SMC1A: variants seen among roughly 807,000 people sequenced by gnomAD.
SMC1A encodes the protein structural maintenance of chromosomes 1A.
In SMC1A, 4 loss-of-function variants were observed where a neutral mutation model predicts 94.5. That is an observed-to-expected ratio of 0.04 (90% CI 0.02 to 0.10). The LOEUF (loss-of-function observed/expected upper bound fraction) is 0.10. Among genes scored for constraint, SMC1A ranks in the 10% least tolerant of loss-of-function variants. The probability of loss-of-function intolerance (pLI) is 1.00; values close to 1 mark genes in which losing one functional copy is unlikely to be tolerated. For synonymous variants in SMC1A, 345 were observed against 347.7 expected, an observed-to-expected ratio of 0.99 and a Z score of 0.09; for missense variants, 304 against 989.0, an observed-to-expected ratio of 0.31 and a Z score of 9.29.
Position 53,380,081 on chromosome X carries a change from G to A in SMC1A, c.*22C>T. ...GAGGGACAGCTTAGGGATCCAGACA[G>A]GGCGGGAGGGCAAAAATACTGCTAC... On this transcript the variant is annotated 3_prime_UTR_variant, in exon 25 of 25. Transcript: ENST00000322213. 2.2e-5 allele frequency: 25 copies of A among 1,115,365 alleles called. No homozygotes were observed. Among genetic ancestry groups the A allele is most frequent in the Non-Finnish European group, 3.1e-5 (25 of 809,020 alleles). 91.9% of individuals were successfully genotyped at this position (1,115,365 alleles called of 1,213,427 possible).
At chrX:53,391,084 C>T (rs2075627698) in intron 19 of SMC1A, among the ~76,000 whole-genome samples, 1 of 104,975 alleles carries the variant, frequency 9.5e-6, no homozygotes, top group Non-Finnish European at 1.9e-5. Flanking sequence ...GAGGCCAAGG[C>T]AGGGGGATCA....
chrX:53,378,134 T>C lies in SMC1A; in HGVS notation c.*1969A>G, dbSNP rs1199458329. 9.0e-6 allele frequency: 1 copy of C among 111,591 alleles called. No individual in the cohort carries two copies. Among genetic ancestry groups the C allele is most frequent in the African/African-American group, 3.3e-5 (1 of 30,635 alleles). The allele number at this position is 111,591 out of a possible 1,213,427, so 9.2% of individuals were successfully genotyped here. ...AACCTCAAGAAAAATACTGAGTAAA[T>C]AGTACAGGAGGGCAATTTGGAAGTA... On this transcript the variant is annotated 3_prime_UTR_variant, in exon 25 of 25. Coordinates refer to ENST00000322213, the MANE Select transcript of SMC1A (RefSeq NM_006306.4).
chrX:53,409,352 A>C, intron 8 of SMC1A, 69 bp downstream of exon 8: 1 of 1,146,493 alleles, frequency 8.7e-7, no homozygotes. Flanking sequence ...TCCTGCATGA[A>C]GAGGGGCATG....
At position 53,383,178 on chromosome X, in the gene SMC1A, G is replaced by A; in HGVS notation, c.3049C>T (p.Leu1017Phe). The change falls in exon 20 of 25, where the codon CTT becomes TTT. Residue 1017 changes from leucine (L) to phenylalanine (F), a missense_variant. Physicochemically the swap from Leu to Phe is conservative, Grantham distance 22. Transcript: ENST00000322213. ...ATGTTGGGGGCGGCAATACGCTGAAGCACACTCTGCTGCTCATTCAGCTTC... is the reference window on the plus strand; with the variant it reads ...ATGTTGGGGGCGGCAATACGCTGAAACACACTCTGCTGCTCATTCAGCTTC... ...QQKLNEQQSV[L>F]QRIAAPNMKA... is the part of the protein sequence containing the mutation. 1 of 1,199,689 alleles carries A rather than the reference G, an allele frequency of 8.3e-7. No individual in the cohort carries two copies. The highest frequency in any genetic ancestry group is 1.7e-5 in the African/African-American group (1 of 57,525).
At chrX:53,422,323 G>C (rs2075762883) in intron 1 of SMC1A, among the ~76,000 whole-genome samples, 169 bp downstream of exon 1, 2 of 112,304 alleles carry the variant, frequency 1.8e-5, no homozygotes, top group South Asian at 7.4e-4. Flanking sequence ...GTTCGAGTTA[G>C]AGCACCCGCG....
chrX:53,392,395 A>AAAAAAAC (rs1407509471), intron 19 of SMC1A, among the ~76,000 whole-genome samples: 1 of 110,069 alleles, frequency 9.1e-6, no homozygotes, highest in Non-Finnish European at 1.9e-5. Context: ...GTCTCAAAAA[A>AAAAAAAC]AAAAAACAAA....
chrX:53,387,420 A>G (rs1278867515), intron 19 of SMC1A, among the ~76,000 whole-genome samples: 1 of 112,569 alleles, frequency 8.9e-6, no homozygotes, highest in Non-Finnish European at 1.9e-5. Context: ...TGGAAGACTC[A>G]AAAAGAAAAT....
intron 7 of SMC1A, among the ~76,000 whole-genome samples, chrX:53,411,045 T>C (rs1953981313): frequency 9.3e-6 from 1 of 107,152 alleles, no homozygotes; most frequent in African/African-American, 3.4e-5. Context: ...CAGTGAGCCA[T>C]GGTCGCACCA....
chrX:53,384,227 C>G (rs1388772914), intron 19 of SMC1A, among the ~76,000 whole-genome samples: 3 of 108,329 alleles, frequency 2.8e-5, no homozygotes, highest in Non-Finnish European at 5.7e-5. Context: ...ACAGGATGAA[C>G]AAGTGAAGAC....
At chrX:53,421,922 T>C in intron 1 of SMC1A, 1 of 1,207,927 alleles carries the variant, frequency 8.3e-7, no homozygotes, top group South Asian at 1.8e-5. Flanking sequence ...GGGGTGGGGA[T>C]CGACACCTCA....
chrX:53,421,044 T>G (rs782798854), intron 1 of SMC1A, among the ~76,000 whole-genome samples: 4 of 111,214 alleles, frequency 3.6e-5, no homozygotes, highest in Non-Finnish European at 7.5e-5. Flanking sequence ...GCCATAGCCC[T>G]TTTCAGAACA....
At chrX:53,420,640 T>C (rs1556891925) in intron 1 of SMC1A, among the ~76,000 whole-genome samples, 1 of 111,854 alleles carries the variant, frequency 8.9e-6, no homozygotes, top group African/African-American at 3.2e-5. Context: ...TGGACTCAGC[T>C]GTCTCCCTCA....
intron 15 of SMC1A, among the ~76,000 whole-genome samples, chrX:53,401,910 CTT>C (rs1200121305): frequency 2.0e-5 from 2 of 102,280 alleles, no homozygotes; most frequent in Non-Finnish European, 2.0e-5. Context: ...TTATTTGCCA[CTT>C]TTTTTTTTTT....
chrX:53,384,468 T>C (rs1330950959), intron 19 of SMC1A, among the ~76,000 whole-genome samples: 1 of 109,916 alleles, frequency 9.1e-6, no homozygotes, highest in African/African-American at 3.3e-5. Context: ...TTCACCATGT[T>C]GCCCAGGTTG....
intron 7 of SMC1A, 77 bp downstream of exon 7, chrX:53,411,684 T>C (rs2075713495): frequency 1.8e-6 from 2 of 1,131,492 alleles, no homozygotes; most frequent in Non-Finnish European, 2.4e-6. Context: ...TTTTGGATTA[T>C]TTTGGATTTG....
Position 53,398,183 on chromosome X carries a change from C to CAAA in SMC1A, c.2562+1403_2562+1405dup, listed in dbSNP as rs10543081. 3.1e-3 allele frequency among the ~76,000 whole-genome samples: 179 copies of CAAA among 58,318 alleles called. 2 individuals carry two copies. The highest frequency in any genetic ancestry group is 3.3e-3 in the Non-Finnish European group (114 of 35,046). 50.6% of individuals were successfully genotyped at this position (58,318 alleles called of 115,157 possible). A position where few individuals can be genotyped will look rare whatever the true frequency, so the allele number is the denominator to read the frequency against. On this transcript the variant is annotated intron_variant, in intron 16 of 24. Coordinates refer to ENST00000322213, the MANE Select transcript of SMC1A (RefSeq NM_006306.4). ...AGGAAACAAGATCAAAACTGAGTCT[C>CAAA]AAAAAAAAAAAAAAAAAAGATTTCA...
intron 9 of SMC1A, among the ~76,000 whole-genome samples, chrX:53,408,229 G>A (rs2075698222): frequency 9.0e-6 from 1 of 111,582 alleles, no homozygotes; most frequent in Non-Finnish European, 1.9e-5. Flanking sequence ...TACTTGGGAG[G>A]CTGAGGCAGG....
intron 7 of SMC1A, among the ~76,000 whole-genome samples, chrX:53,410,291 G>A (rs1602412152): frequency 9.0e-6 from 1 of 111,214 alleles, no homozygotes; most frequent in Middle Eastern, 4.6e-3. Flanking sequence ...GCAGGCAGGA[G>A]TTTAAGACCA....
intron 3 of SMC1A, 80 bp from the exon 4 acceptor site, chrX:53,413,515 G>A (rs2075721247): frequency 1.1e-6 from 1 of 940,494 alleles, no homozygotes; most frequent in Non-Finnish European, 1.5e-6. Context: ...CCTTCACCCA[G>A]AAAAAGTTAC....
Sources: gnomAD v4.1 joint callset for allele counts (sites outside exome capture counted in the v4.1 genomes callset) on GRCh38, gnomAD v4.1.1 for gene constraint, MANE v1.5 for transcripts, NCBI Gene and HGNC (gene_info 2026-07-23, HGNC 2026-07-21) for gene names.